ZC4H2: variants seen among roughly 807,000 people sequenced by gnomAD.
The protein encoded by ZC4H2 is zinc finger C4H2 domain-containing protein.
For missense variants in ZC4H2, 137 were observed against 173.9 expected (o/e 0.79, Z 1.19); for synonymous variants, 84 against 66.3 (o/e 1.27, Z -1.30).
At chrX:64,948,004 G>A (rs771124757) in intron 1 of ZC4H2, among the ~76,000 whole-genome samples, 5 of 111,348 alleles carry the variant, frequency 4.5e-5, no homozygotes, top group Admixed American at 1.9e-4. Flanking sequence ...TTTAACAGAT[G>A]ATGTCAGAAG....
chrX:64,993,047 C>T lies in ZC4H2; in HGVS notation c.-272+41582G>A, dbSNP rs773137809. On this transcript the variant is annotated intron_variant, in intron 1 of 4. Transcript: ENST00000337990. ...CATTAGCCAACTTCTGCAAGCAAGG[C>T]TGTTGCATCCTCCACCATAGAGTTG... is the stretch of plus-strand genomic sequence containing the variant. 1.2e-3 allele frequency among the ~76,000 whole-genome samples: 138 copies of T among 112,151 alleles called. 2 individuals carry two copies. The highest frequency in any genetic ancestry group is 3.8e-3 in the African/African-American group (116 of 30,860).
intron 1 of ZC4H2, among the ~76,000 whole-genome samples, chrX:64,925,379 T>C (rs996952899): frequency 1.8e-5 from 2 of 112,445 alleles, no homozygotes; most frequent in Non-Finnish European, 3.8e-5. Flanking sequence ...CATATTCATA[T>C]AACAAATGTA....
chrX:64,946,107 T>A (rs1235230225), intron 1 of ZC4H2, among the ~76,000 whole-genome samples: 2 of 109,845 alleles, frequency 1.8e-5, no homozygotes, highest in Non-Finnish European at 3.8e-5. Flanking sequence ...CTCGCTTGGG[T>A]TCCAGGTGCC....
At chrX:64,943,562 A>G (rs1052350496) in intron 1 of ZC4H2, among the ~76,000 whole-genome samples, 49 of 106,397 alleles carry the variant, frequency 4.6e-4, no homozygotes, top group African/African-American at 1.8e-3. Flanking sequence ...TTCTTGTTGC[A>G]TTGATCCCTT....
chrX:65,015,513 T>A (rs771670407), intron 1 of ZC4H2, among the ~76,000 whole-genome samples: 1 of 111,966 alleles, frequency 8.9e-6, no homozygotes, highest in Non-Finnish European at 1.9e-5. Flanking sequence ...AAAATCCAAA[T>A]GTTGGCTGGG....
intron 1 of ZC4H2, among the ~76,000 whole-genome samples, chrX:64,935,660 C>T (rs1359800230): frequency 5.4e-5 from 6 of 112,061 alleles, no homozygotes; most frequent in African/African-American, 6.5e-5. Context: ...CTTCAGCCTC[C>T]GCTGGTGATA....
intron 1 of ZC4H2, among the ~76,000 whole-genome samples, chrX:64,935,835 T>A (rs1183151472): frequency 9.1e-6 from 1 of 109,795 alleles, no homozygotes; most frequent in Non-Finnish European, 1.9e-5. Flanking sequence ...TAAATAAATC[T>A]ACAAAGATGA....
Position 64,919,023 on chromosome X carries a change from C to A in ZC4H2, c.561+19G>T, listed in dbSNP as rs372437102. The A allele has an allele frequency of 5.0e-5, 57 of 1,145,081 alleles. No individual in the cohort carries two copies. Among genetic ancestry groups the A allele is most frequent in the Non-Finnish European group, 6.3e-5 (54 of 862,337 alleles). 94.4% of individuals were successfully genotyped at this position (1,145,081 alleles called of 1,213,427 possible). On this transcript the variant is annotated intron_variant, in intron 4 of 4. Coordinates refer to ENST00000374839, the MANE Select transcript of ZC4H2 (RefSeq NM_018684.4). ...GAGGATACTTTGCTTCCTCCACAAC[C>A]ATTACCCAGCTCACTTACCTTCATA...
rs1378663305 is a variant in ZC4H2 at position 64,945,117 on chromosome X, C to T, written c.54-23129G>A. ...CTCTTGCTCCATCCAGTTTCGTGCC[C>T]TTGCTGGCGAGGAGTTGTGATCCTT... On this transcript the variant is annotated intron_variant, in intron 1 of 4. Transcript: ENST00000374839. Among the ~76,000 whole-genome samples, 3 of 112,881 alleles carry T rather than the reference C, an allele frequency of 2.7e-5. No individual in the cohort carries two copies. In the East Asian group the frequency reaches 8.3e-4, roughly 31 times the overall value.
In ZC4H2 at chrX:65,031,531, G is replaced by GA. The variant is rs1193107314; in HGVS notation, c.-272+3097dup. ...GTAAAGGTAAATGAAGGTGAATAAG[G>GA]AAAAAAAAAAGAAATGAAAAGAAGG... On this transcript the variant is annotated intron_variant, in intron 1 of 4. Coordinates refer to the ZC4H2 transcript ENST00000337990. 3.5e-3 allele frequency among the ~76,000 whole-genome samples: 361 copies of GA among 104,007 alleles called. 2 individuals are homozygous for GA. The highest frequency in any genetic ancestry group is 0.015 in the Middle Eastern group (3 of 206). The allele number at this position is 104,007 out of a possible 115,157, so 90.3% of individuals were successfully genotyped here.
upstream of ZC4H2, among the ~76,000 whole-genome samples, chrX:64,977,869 C>T (rs772149091): frequency 5.3e-4 from 59 of 111,557 alleles, 1 homozygote; most frequent in African/African-American, 1.8e-3. Context: ...TTTCAAAGCA[C>T]GGTAGTGATA....
intron 4 of ZC4H2, 77 bp downstream of exon 4, chrX:64,918,965 A>C: frequency 9.1e-7 from 1 of 1,100,007 alleles, no homozygotes; most frequent in Non-Finnish European, 1.2e-6. Context: ...AAAGCCAAAG[A>C]CCCAGAACTA....
chrX:65,000,136 C>T (rs1165499817), intron 1 of ZC4H2, among the ~76,000 whole-genome samples: 1 of 112,275 alleles, frequency 8.9e-6, no homozygotes, highest in Non-Finnish European at 1.9e-5. Flanking sequence ...AACCTGCATG[C>T]CTCCTGATTG....
intron 1 of ZC4H2, among the ~76,000 whole-genome samples, chrX:64,974,271 T>G (rs762694125): frequency 8.9e-6 from 1 of 112,174 alleles, no homozygotes; most frequent in Non-Finnish European, 1.9e-5. Flanking sequence ...TTCTTTATGT[T>G]TTATATTTCT....
At chrX:64,957,055 A>G (rs1230821113) in intron 1 of ZC4H2, among the ~76,000 whole-genome samples, 1 of 112,689 alleles carries the variant, frequency 8.9e-6, no homozygotes, top group Admixed American at 9.4e-5. Flanking sequence ...ATGAGGACAA[A>G]GCATAACCTA....
intron 1 of ZC4H2, among the ~76,000 whole-genome samples, chrX:65,015,669 C>A (rs1602455961): frequency 8.9e-6 from 1 of 112,376 alleles, no homozygotes. Flanking sequence ...CTGCCTCCTG[C>A]ATCTGCACTT....
intron 1 of ZC4H2, among the ~76,000 whole-genome samples, chrX:65,005,575 C>A (rs1411147368): frequency 9.0e-6 from 1 of 110,993 alleles, no homozygotes; most frequent in East Asian, 2.8e-4. Flanking sequence ...GGATTAAAGA[C>A]TTAAGCATTA....
intron 1 of ZC4H2, among the ~76,000 whole-genome samples, chrX:64,955,847 G>A (rs1931134472): frequency 8.9e-6 from 1 of 112,062 alleles, no homozygotes; most frequent in African/African-American, 3.2e-5. Context: ...AAGGCTCAAT[G>A]TAGACAAGAA....
In ZC4H2 at chrX:65,007,523, C is replaced by T. The variant is rs190186549; in HGVS notation, c.-272+27106G>A. On this transcript the variant is annotated intron_variant, in intron 1 of 4. Transcript: ENST00000337990. ...ACATATACAGTTGTTTTTGAATGTC[C>T]CAGTCTTTAATATCTGGCTCTGAAG... 1.9e-4 allele frequency among the ~76,000 whole-genome samples: 21 copies of T among 111,505 alleles called. No homozygotes were observed. The Admixed American group carries it at 2.0e-3, about 11-fold the overall frequency.
Sources: gnomAD v4.1 joint callset for allele counts (sites outside exome capture counted in the v4.1 genomes callset) on GRCh38, gnomAD v4.1.1 for gene constraint, MANE v1.5 for transcripts, NCBI Gene and HGNC (gene_info 2026-07-23, HGNC 2026-07-21) for gene names.